The following SAP30L variants were observed in gnomAD, a reference collection of about 807,000 sequenced individuals.
SAP30L encodes the protein SAP30 like, also known as histone deacetylase complex subunit SAP30L.
In SAP30L, 10 loss-of-function variants were observed where a neutral mutation model predicts 22.3. The ratio of observed to expected loss-of-function variants is 0.45; its 90% confidence interval spans 0.28 to 0.76. SAP30L has a LOEUF of 0.76. Ranked by LOEUF, SAP30L falls within the 30% of genes least tolerant of loss-of-function variation. SAP30L has a pLI of 0.14. For missense variants in SAP30L, 206 were observed against 237.9 expected, an observed-to-expected ratio of 0.87 and a Z score of 0.88; for synonymous variants, 91 against 94.1, an observed-to-expected ratio of 0.97 and a Z score of 0.19.
chr5:154,451,543 G>A (rs1267807741), intron 2 of SAP30L, among the ~76,000 whole-genome samples: 1 of 92,884 alleles, frequency 1.1e-5, no homozygotes, highest in Non-Finnish European at 2.5e-5. Flanking sequence ...CAACCACAGT[G>A]TCACTTTTTT....
Position 154,453,398 on chromosome 5 carries a change from C to G in SAP30L, c.325-4C>G, listed in dbSNP as rs761070017. The G allele has an allele frequency of 6.2e-7, 1 of 1,611,042 alleles. No individual in the cohort carries two copies. Among genetic ancestry groups the G allele is most frequent in the Non-Finnish European group, 8.5e-7 (1 of 1,177,452 alleles). On this transcript the variant is annotated splice_region_variant and splice_polypyrimidine_tract_variant and intron_variant, in intron 2 of 3. Coordinates refer to ENST00000297109, the MANE Select transcript of SAP30L (RefSeq NM_024632.6). ...GGATAACATTTTTCTCCTCTTCTCC[C>G]TAGGTTGATCTGTTCCAGCTGCAGG... is the stretch of plus-strand genomic sequence containing the variant.
At chr5:154,446,896 C>A (rs1757027203) in intron 1 of SAP30L, 91 bp downstream of exon 1, 2 of 1,094,900 alleles carry the variant, frequency 1.8e-6, no homozygotes, top group African/African-American at 1.6e-5. Flanking sequence ...CGGGCACTCC[C>A]CGCCGTGGGC....
chr5:154,452,022 G>T (rs1757152041), intron 2 of SAP30L, among the ~76,000 whole-genome samples: 2 of 152,140 alleles, frequency 1.3e-5, no homozygotes, highest in South Asian at 4.1e-4. Context: ...ATTAAGTGAG[G>T]CTTCAGGAAG....
chr5:154,458,867 A>T lies in SAP30L; in HGVS notation c.*2839A>T, dbSNP rs1277403505. The T allele has an allele frequency of 6.6e-6, 1 of 152,208 alleles. No homozygotes were observed. Among genetic ancestry groups the T allele is most frequent in the Non-Finnish European group, 1.5e-5 (1 of 68,032 alleles). The allele number at this position is 152,208 out of a possible 1,614,324, so 9.4% of individuals were successfully genotyped here. ...AGCTGAATCTCATGAAAGATTAAAA[A>T]CCAAAGGATTCAAGACCGGTGTTGT... On this transcript the variant is annotated 3_prime_UTR_variant, in exon 4 of 4. Coordinates refer to ENST00000297109, the MANE Select transcript of SAP30L (RefSeq NM_024632.6).
At position 154,458,657 on chromosome 5, in the gene SAP30L, A is replaced by C. The variant is rs1320448617; in HGVS notation, c.*2629A>C. ...CAGAACTGGCGTTGTCTTCTTAAAGAGTATGGTTCCTGCCTCAGTTCCAGC... is the reference window on the plus strand; with the variant it reads ...CAGAACTGGCGTTGTCTTCTTAAAGCGTATGGTTCCTGCCTCAGTTCCAGC... On this transcript the variant is annotated 3_prime_UTR_variant, in exon 4 of 4. Transcript: ENST00000297109. 1 of 152,234 alleles carries C rather than the reference A, an allele frequency of 6.6e-6. No homozygotes were observed. Among genetic ancestry groups the C allele is most frequent in the Admixed American group, 6.5e-5 (1 of 15,280 alleles). The allele number at this position is 152,234 out of a possible 1,614,324, so 9.4% of individuals were successfully genotyped here.
In SAP30L at chr5:154,446,597, G is replaced by C; in HGVS notation, c.-8G>C. Reference sequence around the variant, plus strand: ...CCTCCCCCAGAGGGACCGGCCCGGGGCGGGGAGATGAACGGCTTCAGCACG... The same window carrying C: ...CCTCCCCCAGAGGGACCGGCCCGGGCCGGGGAGATGAACGGCTTCAGCACG... On this transcript the variant is annotated 5_prime_UTR_variant, in exon 1 of 4. Coordinates refer to ENST00000297109, the MANE Select transcript of SAP30L (RefSeq NM_024632.6). 1 of 1,472,360 alleles carries C rather than the reference G, an allele frequency of 6.8e-7. No homozygotes were observed. The highest frequency in any genetic ancestry group is 9.0e-7 in the Non-Finnish European group (1 of 1,116,094). The allele number at this position is 1,472,360 out of a possible 1,614,324, so 91.2% of individuals were successfully genotyped here. A position where few individuals can be genotyped will look rare whatever the true frequency, so the allele number is the denominator to read the frequency against.
Position 154,456,095 on chromosome 5 carries a change from A to C in SAP30L, c.*67A>C. ...GCACAGGTGATATCTACTACATTTA[A>C]GCCCATAAAGACTGTTAAATATTAT... On this transcript the variant is annotated 3_prime_UTR_variant, in exon 4 of 4. Transcript: ENST00000297109. The C allele has an allele frequency of 1.3e-6, 2 of 1,515,406 alleles. No homozygotes were observed. The highest frequency in any genetic ancestry group is 1.8e-6 in the Non-Finnish European group (2 of 1,119,718). The allele number at this position is 1,515,406 out of a possible 1,614,324, so 93.9% of individuals were successfully genotyped here.
rs763222240 is a variant in SAP30L at position 154,456,053 on chromosome 5, G to T, written c.*25G>T. 5.0e-6 allele frequency: 8 copies of T among 1,610,172 alleles called. No homozygotes were observed. Among genetic ancestry groups the T allele is most frequent in the Non-Finnish European group, 6.8e-6 (8 of 1,178,284 alleles). ...AGGATGAAGCACATCTTAAAGGAATGAAGTGTAATGCTTGATGCACAGGTG... is the reference window on the plus strand; with the variant it reads ...AGGATGAAGCACATCTTAAAGGAATTAAGTGTAATGCTTGATGCACAGGTG... On this transcript the variant is annotated 3_prime_UTR_variant, in exon 4 of 4. Coordinates refer to ENST00000297109, the MANE Select transcript of SAP30L (RefSeq NM_024632.6).
At position 154,446,643 on chromosome 5, in the gene SAP30L, G is replaced by T. The variant is rs1024283186; in HGVS notation, c.39G>T (p.Gly13=). ...GCACGGAGGAGGACAGCCGCGAAGG[G>T]CCCCCCGCCGCCCCAGCTGCCGCCG... ...GFSTEEDSRE[G]PPAAPAAAAP... The change falls in exon 1 of 4, where the codon GGG becomes GGT. Residue 13 remains glycine, a synonymous_variant. Coordinates refer to ENST00000297109, the MANE Select transcript of SAP30L (RefSeq NM_024632.6). The T allele has an allele frequency of 2.6e-6, 4 of 1,530,104 alleles. No individual in the cohort carries two copies. Among genetic ancestry groups the T allele is most frequent in the African/African-American group, 2.8e-5 (2 of 71,392 alleles). The allele number at this position is 1,530,104 out of a possible 1,614,324, so 94.8% of individuals were successfully genotyped here. A position where few individuals can be genotyped will look rare whatever the true frequency, so the allele number is the denominator to read the frequency against.
chr5:154,450,825 GA>G (rs1757122115), intron 1 of SAP30L, among the ~76,000 whole-genome samples: 1 of 152,138 alleles, frequency 6.6e-6, no homozygotes, highest in Admixed American at 6.5e-5. Context: ...CTGTTGCAGG[GA>G]TCTCTTCCTT....
chr5:154,449,552 G>T (rs1757096146), intron 1 of SAP30L, among the ~76,000 whole-genome samples: 1 of 152,194 alleles, frequency 6.6e-6, no homozygotes, highest in Admixed American at 6.5e-5. Context: ...TTGTTACTGT[G>T]AACTTGAGGA....
chr5:154,452,344 C>T (rs938737531), intron 2 of SAP30L: 28 of 289,070 alleles, frequency 9.7e-5, no homozygotes, highest in Non-Finnish European at 1.3e-4. Context: ...TGGACGTATT[C>T]GATTTCTAAG....
chr5:154,452,031 A>C (rs963535525), intron 2 of SAP30L, among the ~76,000 whole-genome samples: 1 of 152,208 alleles, frequency 6.6e-6, no homozygotes, highest in Non-Finnish European at 1.5e-5. Context: ...GGCTTCAGGA[A>C]GGAATATTGG....
At position 154,446,006 on chromosome 5, in the gene SAP30L, A is replaced by T. The variant is rs1471790171; in HGVS notation, c.-599A>T. On this transcript the variant is annotated 5_prime_UTR_variant, in exon 1 of 4. Transcript: ENST00000297109. ...GGGGGAGCGAACTGTTGTGGTGCGG[A>T]GCGTTCGGCGGGCGGCGGCCGGGCG... 1 of 153,154 alleles carries T rather than the reference A, an allele frequency of 6.5e-6. No individual in the cohort carries two copies. Among genetic ancestry groups the T allele is most frequent in the African/African-American group, 2.4e-5 (1 of 41,388 alleles). The allele number at this position is 153,154 out of a possible 1,614,324, so 9.5% of individuals were successfully genotyped here.
At position 154,455,935 on chromosome 5, in the gene SAP30L, T is replaced by A; in HGVS notation, c.459T>A (p.Asn153Lys). 1 of 1,613,976 alleles carries A rather than the reference T, an allele frequency of 6.2e-7. No homozygotes were observed. The highest frequency in any genetic ancestry group is 8.5e-7 in the Non-Finnish European group (1 of 1,179,944). ...VSRHFRNIPV[N>K]EKETLAYFIY... ...GACACTTCAGGAACATACCTGTGAATGAAAAAGAGACCCTTGCCTACTTCA... is the reference window on the plus strand; with the variant it reads ...GACACTTCAGGAACATACCTGTGAAAGAAAAAGAGACCCTTGCCTACTTCA... Residue 153 changes from asparagine (N) to lysine (K), a missense_variant, in exon 4 of 4, where the codon AAT (asparagine) becomes AAA (lysine). Transcript: ENST00000297109.
chr5:154,452,338 C>T (rs192620618), intron 2 of SAP30L: 19 of 238,880 alleles, frequency 8.0e-5, no homozygotes, highest in African/African-American at 1.1e-4. Context: ...AAGAAATGGA[C>T]GTATTCGATT....
chr5:154,460,284 T>C lies in SAP30L; in HGVS notation c.*4256T>C, dbSNP rs1344263282. ...TTAAAACCAGGGTTCAAAAGCCCTA[T>C]TGGGAGAGGTAGTATTGTCCTAGCA... On this transcript the variant is annotated 3_prime_UTR_variant, in exon 4 of 4. Coordinates refer to ENST00000297109, the MANE Select transcript of SAP30L (RefSeq NM_024632.6). The C allele has an allele frequency of 2.0e-5, 3 of 152,212 alleles. No homozygotes were observed. The highest frequency in any genetic ancestry group is 7.2e-5 in the African/African-American group (3 of 41,444). 9.4% of individuals were successfully genotyped at this position (152,212 alleles called of 1,614,324 possible).
At chr5:154,453,880 G>T (rs1419640422) in intron 3 of SAP30L, among the ~76,000 whole-genome samples, 1 of 152,186 alleles carries the variant, frequency 6.6e-6, no homozygotes, top group Non-Finnish European at 1.5e-5. Context: ...AGGCTAGAGT[G>T]CAGTGGCTCA....
intron 1 of SAP30L, among the ~76,000 whole-genome samples, chr5:154,448,257 T>C (rs542190950): frequency 6.6e-6 from 1 of 152,322 alleles, no homozygotes; most frequent in Admixed American, 6.5e-5. Flanking sequence ...ATTACAGGCG[T>C]GAGCCACTGC....
Sources: gnomAD v4.1 joint callset for allele counts (sites outside exome capture counted in the v4.1 genomes callset) on GRCh38, gnomAD v4.1.1 for gene constraint, MANE v1.5 for transcripts, NCBI Gene and HGNC (gene_info 2026-07-23, HGNC 2026-07-21) for gene names.